TNRC6B: variants seen among roughly 807,000 people sequenced by gnomAD.
TNRC6B encodes the protein trinucleotide repeat-containing gene 6B protein.
Under a neutral mutation model 203.6 loss-of-function variants are expected in TNRC6B, and 52 were observed. The ratio of observed to expected loss-of-function variants is 0.26; its 90% CI spans 0.20 to 0.32. The LOEUF (loss-of-function observed/expected upper bound fraction) is 0.32, where lower values mean the gene tolerates loss of function less well. Ranked by LOEUF, TNRC6B falls within the 10% of genes least tolerant of loss-of-function variation. The pLI is 1.00. For missense variants in TNRC6B, 1,923 were observed against 2,286.2 expected (o/e 0.84, Z 3.24); for synonymous variants, 838 against 845.7 (o/e 0.99, Z 0.16).
At chr22:40,261,778 GA>G (rs1416381112) in intron 3 of TNRC6B, 53 bp from the exon 4 acceptor site, 6 of 1,331,220 alleles carry the variant, frequency 4.5e-6, no homozygotes, top group African/African-American at 1.5e-5. Flanking sequence ...AAAATTTTTA[GA>G]AAAAATGTAT....
At chr22:40,117,328 G>A (rs1203003880) in intron 2 of TNRC6B, among the ~76,000 whole-genome samples, 1 of 152,306 alleles carries the variant, frequency 6.6e-6, no homozygotes, top group Admixed American at 6.5e-5. Context: ...GATGGATACT[G>A]ACATTTGGTG....
At chr22:40,214,192 A>G (rs1196393717) in intron 1 of TNRC6B, among the ~76,000 whole-genome samples, 1 of 152,058 alleles carries the variant, frequency 6.6e-6, no homozygotes, top group Non-Finnish European at 1.5e-5. Context: ...ACTTGAACCC[A>G]GGGGGCAGAG....
intron 1 of TNRC6B, among the ~76,000 whole-genome samples, chr22:40,098,409 A>AAAT (rs1441449911): frequency 6.7e-6 from 1 of 149,420 alleles, no homozygotes; most frequent in Admixed American, 6.6e-5. Context: ...AAAAAAAAAA[A>AAAT]GGGAATTACT....
intron 1 of TNRC6B, among the ~76,000 whole-genome samples, chr22:40,073,170 C>G (rs1211085385): frequency 7.6e-6 from 1 of 131,488 alleles, no homozygotes; most frequent in East Asian, 2.4e-4. Flanking sequence ...TTTTTCCAAT[C>G]CTTATATTTA....
At chr22:40,239,183 A>C (rs544166457) in intron 1 of TNRC6B, among the ~76,000 whole-genome samples, 1 of 151,862 alleles carries the variant, frequency 6.6e-6, no homozygotes, top group Admixed American at 6.6e-5. Flanking sequence ...AGCGTGGGTG[A>C]CAGAGCAAGA....
intron 1 of TNRC6B, among the ~76,000 whole-genome samples, chr22:40,075,338 AT>A (rs1225583643): frequency 6.6e-6 from 1 of 150,710 alleles, no homozygotes; most frequent in African/African-American, 2.4e-5. Flanking sequence ...CACATTTAGG[AT>A]TTTTATGTCT....
intron 1 of TNRC6B, among the ~76,000 whole-genome samples, chr22:40,067,948 A>G (rs992509992): frequency 6.6e-6 from 1 of 152,118 alleles, no homozygotes; most frequent in Non-Finnish European, 1.5e-5. Flanking sequence ...ATCACAGTGG[A>G]TATGTTATGT....
At chr22:40,308,994 G>C (rs986611047) in intron 16 of TNRC6B, among the ~76,000 whole-genome samples, 2 of 152,322 alleles carry the variant, frequency 1.3e-5, no homozygotes, top group South Asian at 4.1e-4. Flanking sequence ...TATCTTGTTG[G>C]TTGTTTGAAC....
At chr22:40,289,537 C>T (rs937598367) in intron 12 of TNRC6B, among the ~76,000 whole-genome samples, 1 of 152,142 alleles carries the variant, frequency 6.6e-6, no homozygotes, top group Non-Finnish European at 1.5e-5. Context: ...CAGAGTTCCC[C>T]TCCTTTCTGA....
At chr22:40,154,855 AAAAAAATATATATATATATATATATAT>A (rs1429289194) in intron 3 of TNRC6B, among the ~76,000 whole-genome samples, 1 of 51,750 alleles carries the variant, frequency 1.9e-5, no homozygotes, top group Non-Finnish European at 3.4e-5. Flanking sequence ...AAAAAAAAAA[AAAAAAATATATATATATATATATATAT>A]ATATATATAT....
Position 40,328,695 on chromosome 22 carries a change from C to G in TNRC6B, c.*5454C>G, listed in dbSNP as rs2071430836. 3 of 152,166 alleles carry G rather than the reference C, an allele frequency of 2.0e-5. No homozygotes were observed. The South Asian group carries it at 6.2e-4, about 31-fold the overall frequency. 9.4% of individuals were successfully genotyped at this position (152,166 alleles called of 1,614,324 possible). A position where few individuals can be genotyped will look rare whatever the true frequency, so the allele number is the denominator to read the frequency against. On this transcript the variant is annotated 3_prime_UTR_variant, in exon 23 of 23. Coordinates refer to ENST00000454349, the MANE Select transcript of TNRC6B (RefSeq NM_001162501.2). ...CTGCATGCTGAGCAAAATGCTTACG[C>G]CAAGCCTGTTTTTCTCTGCAGAGTA...
At chr22:40,278,161 TA>T in intron 9 of TNRC6B, 117 bp downstream of exon 9, 1 of 794,110 alleles carries the variant, frequency 1.3e-6, no homozygotes, top group Non-Finnish European at 2.2e-6. Context: ...ATTGAGCACT[TA>T]CTCTTTGTAA....
At chr22:40,185,776 G>C (rs1375707746) in intron 1 of TNRC6B, among the ~76,000 whole-genome samples, 1 of 152,128 alleles carries the variant, frequency 6.6e-6, no homozygotes, top group Non-Finnish European at 1.5e-5. Context: ...GACTTGGTGG[G>C]GGGGCACTGA....
At chr22:40,144,767 A>G (rs2068676268) in intron 3 of TNRC6B, among the ~76,000 whole-genome samples, 1 of 152,084 alleles carries the variant, frequency 6.6e-6, no homozygotes, top group Non-Finnish European at 1.5e-5. Context: ...ATGTAGATAT[A>G]AAAGTGGTAC....
chr22:40,178,715 G>A (rs2069096904), intron 1 of TNRC6B, among the ~76,000 whole-genome samples: 1 of 152,146 alleles, frequency 6.6e-6, no homozygotes, highest in Admixed American at 6.5e-5. Flanking sequence ...TTTGGGGTTT[G>A]TAGATTCCCC....
chr22:40,200,432 G>A lies in TNRC6B; in HGVS notation c.5+22292G>A, dbSNP rs1247580357. On this transcript the variant is annotated intron_variant, in intron 1 of 22. Coordinates refer to ENST00000454349, the MANE Select transcript of TNRC6B (RefSeq NM_001162501.2). ...CTCCCGAGTAGCTGGGATTACAGGCGTGCACCCCCACGCCCAGCTAATTTT... is the reference window on the plus strand; with the variant it reads ...CTCCCGAGTAGCTGGGATTACAGGCATGCACCCCCACGCCCAGCTAATTTT... Among the ~76,000 whole-genome samples, 5 of 150,826 alleles carry A rather than the reference G, an allele frequency of 3.3e-5. No homozygotes were observed. In the East Asian group the frequency reaches 5.9e-4, roughly 18 times the overall value.
chr22:40,266,892 G>A lies in TNRC6B; in HGVS notation c.2662G>A (p.Asp888Asn), dbSNP rs1363743142. 4 of 1,613,852 alleles carry A rather than the reference G, an allele frequency of 2.5e-6. No individual in the cohort carries two copies. The highest frequency in any genetic ancestry group is 2.7e-5 in the African/African-American group (2 of 74,904). Residue 888 changes from aspartate (D) to asparagine (N), a missense_variant, in exon 5 of 23, where the codon GAC (aspartate) becomes AAC (asparagine). By Grantham distance (23) the Asp-to-Asn change is conservative. Transcript: ENST00000454349. ...CCCACAGTCAATTAGTCGGAAAATGGACATTGATGATGGCACTTCAGCATG... is the reference window on the plus strand; with the variant it reads ...CCCACAGTCAATTAGTCGGAAAATGAACATTGATGATGGCACTTCAGCATG... The part of the protein sequence containing the change: ...PSPQSISRKM[D>N]IDDGTSAWGD...
intron 1 of TNRC6B, among the ~76,000 whole-genome samples, chr22:40,061,966 T>C (rs1431026882): frequency 6.6e-6 from 1 of 151,742 alleles, no homozygotes; most frequent in East Asian, 2.0e-4. Flanking sequence ...CCAAGCTACA[T>C]GGGAGGCTGA....
intron 3 of TNRC6B, among the ~76,000 whole-genome samples, chr22:40,136,857 T>C (rs1165830085): frequency 1.3e-5 from 2 of 152,230 alleles, no homozygotes; most frequent in African/African-American, 2.4e-5. Context: ...GCTATTAATA[T>C]AACATTATCA....
Sources: gnomAD v4.1 joint callset for allele counts (sites outside exome capture counted in the v4.1 genomes callset) on GRCh38, gnomAD v4.1.1 for gene constraint, MANE v1.5 for transcripts, NCBI Gene and HGNC (gene_info 2026-07-23, HGNC 2026-07-21) for gene names.